The following HS6ST3 variants were observed in gnomAD, a reference collection of about 807,000 sequenced individuals.
The protein encoded by HS6ST3 is heparan sulfate 6-O-sulfotransferase 3, also known as heparan-sulfate 6-O-sulfotransferase 3.
Under a neutral mutation model 36.7 loss-of-function variants are expected in HS6ST3, and 12 were observed. The ratio of observed to expected loss-of-function variants is 0.33; its 90% CI spans 0.21 to 0.53. The LOEUF (loss-of-function observed/expected upper bound fraction) is 0.53. HS6ST3 is among the 20% of genes least tolerant of loss of function. The pLI is 0.95. For synonymous variants in HS6ST3, 240 were observed against 257.5 expected, an observed-to-expected ratio of 0.93 and a Z score of 0.65; for missense variants, 584 against 640.9, an observed-to-expected ratio of 0.91 and a Z score of 0.96.
intron 1 of HS6ST3, among the ~76,000 whole-genome samples, chr13:96,446,928 G>T (rs117932749): frequency 1.3e-5 from 2 of 152,136 alleles, no homozygotes; most frequent in South Asian, 4.1e-4. Flanking sequence ...ACCAGGAAGC[G>T]CACTCATTTC....
intron 1 of HS6ST3, among the ~76,000 whole-genome samples, chr13:96,290,993 T>A (rs937753255): frequency 5.3e-5 from 8 of 152,170 alleles, no homozygotes; most frequent in African/African-American, 1.9e-4. Flanking sequence ...TTGCTTTCAT[T>A]CTCACCATTT....
intron 1 of HS6ST3, among the ~76,000 whole-genome samples, chr13:96,270,602 G>A (rs752328): frequency 0.071 from 9,191 of 129,888 alleles, 392 homozygotes; most frequent in East Asian, 0.17. Context: ...TCATTTAGAA[G>A]TAATGCTGAG....
At chr13:96,363,260 G>A (rs1203214870) in intron 1 of HS6ST3, among the ~76,000 whole-genome samples, 2 of 151,506 alleles carry the variant, frequency 1.3e-5, no homozygotes, top group African/African-American at 4.9e-5. Flanking sequence ...CAATGGGAGT[G>A]GGTGAAGGGT....
intron 1 of HS6ST3, among the ~76,000 whole-genome samples, chr13:96,227,668 A>G (rs1275717461): frequency 6.6e-6 from 1 of 152,202 alleles, no homozygotes; most frequent in Non-Finnish European, 1.5e-5. Flanking sequence ...ATTGTTTCCA[A>G]TCTATGAGTC....
intron 1 of HS6ST3, among the ~76,000 whole-genome samples, chr13:96,294,580 T>C (rs2054845527): frequency 6.6e-6 from 1 of 152,116 alleles, no homozygotes; most frequent in Non-Finnish European, 1.5e-5. Context: ...GCACTCATTT[T>C]CTCATTCCAG....
At chr13:96,409,351 A>G (rs1427733518) in intron 1 of HS6ST3, among the ~76,000 whole-genome samples, 2 of 152,276 alleles carry the variant, frequency 1.3e-5, no homozygotes, top group Admixed American at 6.5e-5. Context: ...TTTATATTGT[A>G]CACAGCAGAA....
chr13:96,825,738 T>A (rs147002938), intron 1 of HS6ST3, among the ~76,000 whole-genome samples: 1 of 152,246 alleles, frequency 6.6e-6, no homozygotes, highest in Non-Finnish European at 1.5e-5. Context: ...CTCCAGTCTA[T>A]GCCCTCCTTC....
intron 1 of HS6ST3, among the ~76,000 whole-genome samples, chr13:96,262,974 A>T (rs1398808739): frequency 6.6e-6 from 1 of 152,152 alleles, no homozygotes; most frequent in Non-Finnish European, 1.5e-5. Context: ...TGTTTTCTTA[A>T]GTGCATAAAA....
chr13:96,235,435 C>T (rs187322255), intron 1 of HS6ST3, among the ~76,000 whole-genome samples: 2 of 152,244 alleles, frequency 1.3e-5, no homozygotes, highest in African/African-American at 2.4e-5. Context: ...AAGCGGAATG[C>T]AGGCTGCTTG....
At chr13:96,731,485 T>G (rs925107711) in intron 1 of HS6ST3, among the ~76,000 whole-genome samples, 2 of 152,202 alleles carry the variant, frequency 1.3e-5, no homozygotes, top group Non-Finnish European at 2.9e-5. Flanking sequence ...CTTTATCCAT[T>G]TATCTTTTCA....
At chr13:96,284,196 G>T (rs995235506) in intron 1 of HS6ST3, among the ~76,000 whole-genome samples, 1 of 152,016 alleles carries the variant, frequency 6.6e-6, no homozygotes, top group Non-Finnish European at 1.5e-5. Context: ...TATGAGTCAG[G>T]GTTCTCTAGA....
chr13:96,702,566 G>A (rs576687689), intron 1 of HS6ST3, among the ~76,000 whole-genome samples: 6 of 152,118 alleles, frequency 3.9e-5, no homozygotes, highest in Non-Finnish European at 7.3e-5. Context: ...CTTTTTTCTT[G>A]TTGGCACTAC....
At chr13:96,450,860 G>T (rs1395691405) in intron 1 of HS6ST3, among the ~76,000 whole-genome samples, 1 of 152,142 alleles carries the variant, frequency 6.6e-6, no homozygotes, top group African/African-American at 2.4e-5. Flanking sequence ...CAGTCTGGGC[G>T]GGTATCAAAT....
At chr13:96,115,593 G>C (rs1266603330) in intron 1 of HS6ST3, among the ~76,000 whole-genome samples, 1 of 152,110 alleles carries the variant, frequency 6.6e-6, no homozygotes, top group Non-Finnish European at 1.5e-5. Flanking sequence ...CCTTTTTGTG[G>C]CTGCATAGTA....
chr13:96,090,741 G>A lies in HS6ST3; in HGVS notation c.-122G>A. 1 of 673,042 alleles carries A rather than the reference G, an allele frequency of 1.5e-6. No homozygotes were observed. The highest frequency in any genetic ancestry group is 2.0e-6 in the Non-Finnish European group (1 of 488,094). The allele number at this position is 673,042 out of a possible 1,614,324, so 41.7% of individuals were successfully genotyped here. A position where few individuals can be genotyped will look rare whatever the true frequency, so the allele number is the denominator to read the frequency against. ...AGCCAGCCACACGCCTCGGCGTCAG[G>A]GGCATGGAGGAACGGCGGGCTCCGA... is the stretch of plus-strand genomic sequence containing the variant. On this transcript the variant is annotated 5_prime_UTR_variant, in exon 1 of 2. Transcript: ENST00000376705.
intron 1 of HS6ST3, among the ~76,000 whole-genome samples, chr13:96,316,271 G>GTGTA (rs1288945522): frequency 8.9e-6 from 1 of 112,514 alleles, no homozygotes; most frequent in Non-Finnish European, 2.1e-5. Flanking sequence ...GTGTGTGTGT[G>GTGTA]TGTGTGTGTG....
rs56247662 is a variant in HS6ST3, at chr13:96,136,682, CATATATATATATATATATATAT to C, written c.707+45129_707+45150del. On this transcript the variant is annotated intron_variant, in intron 1 of 1. Transcript: ENST00000376705. The stretch of plus-strand genomic sequence containing the variant: ...AGGTATACAGCATGATGTTATGAAA[CATATATATATATATATATATAT>C]ATATATATATATATAGTAAAATGGT... Among the ~76,000 whole-genome samples the C allele has an allele frequency of 1.7e-3, 227 of 130,524 alleles. 3 individuals are homozygous for C. The highest frequency in any genetic ancestry group is 5.2e-3 in the African/African-American group (192 of 36,644). The allele number at this position is 130,524 out of a possible 152,430, so 85.6% of individuals were successfully genotyped here. A position where few individuals can be genotyped will look rare whatever the true frequency, so the allele number is the denominator to read the frequency against.
At chr13:96,565,414 C>T (rs2056277551) in intron 1 of HS6ST3, among the ~76,000 whole-genome samples, 1 of 152,016 alleles carries the variant, frequency 6.6e-6, no homozygotes, top group Admixed American at 6.6e-5. Context: ...GACAGGTATC[C>T]CAAGTGCCTT....
At chr13:96,827,719 A>G (rs1161043270) in intron 1 of HS6ST3, among the ~76,000 whole-genome samples, 2 of 152,232 alleles carry the variant, frequency 1.3e-5, no homozygotes, top group South Asian at 2.1e-4. Flanking sequence ...TCATCCTACA[A>G]TTTGGCTAGT....
Sources: gnomAD v4.1 joint callset for allele counts (sites outside exome capture counted in the v4.1 genomes callset) on GRCh38, gnomAD v4.1.1 for gene constraint, MANE v1.5 for transcripts, NCBI Gene and HGNC (gene_info 2026-07-23, HGNC 2026-07-21) for gene names.